COX16: variants seen among roughly 807,000 people sequenced by gnomAD.
COX16 encodes cytochrome c oxidase assembly factor COX16, also known as cytochrome c oxidase assembly protein COX16 homolog, mitochondrial.
A neutral mutation model predicts 15.4 loss-of-function variants in COX16; 12 were observed. That is an observed-to-expected ratio of 0.78 (90% CI 0.50 to 1.26). COX16 has a LOEUF of 1.26. COX16 is among the 50% of genes most tolerant of loss of function. The pLI, the probability that COX16 is intolerant of heterozygous loss-of-function variation, is 0.00. For missense variants in COX16, 124 were observed against 127.6 expected, an observed-to-expected ratio of 0.97 and a Z score of 0.14; for synonymous variants, 46 against 41.1, an observed-to-expected ratio of 1.12 and a Z score of -0.46.
chr14:70,330,572 G>GT (rs1490831976), intron 2 of COX16, among the ~76,000 whole-genome samples: 10 of 152,144 alleles, frequency 6.6e-5, no homozygotes, highest in African/African-American at 2.2e-4. Context: ...AGAATTCTTA[G>GT]TGTAAAAAGA....
intron 1 of COX16, among the ~76,000 whole-genome samples, chr14:70,353,154 G>A (rs948987276): frequency 2.0e-5 from 3 of 151,262 alleles, no homozygotes; most frequent in Non-Finnish European, 4.4e-5. Flanking sequence ...CCAGCTGTTC[G>A]GGAGGCTGAG....
At chr14:70,349,550 A>G (rs535765476) in intron 1 of COX16, among the ~76,000 whole-genome samples, 1 of 152,110 alleles carries the variant, frequency 6.6e-6, no homozygotes, top group Admixed American at 6.5e-5. Context: ...TTCTCCACAC[A>G]CCCTACAGGC....
chr14:70,335,798 AG>A (rs1406832858), intron 2 of COX16, among the ~76,000 whole-genome samples: 1 of 152,184 alleles, frequency 6.6e-6, no homozygotes, highest in Non-Finnish European at 1.5e-5. Context: ...TCCCTGACTT[AG>A]ATTTGAAGCA....
chr14:70,352,778 T>C (rs948747049), intron 1 of COX16, among the ~76,000 whole-genome samples: 1 of 151,280 alleles, frequency 6.6e-6, no homozygotes, highest in East Asian at 1.9e-4. Flanking sequence ...CCCAACTACA[T>C]TTGTTTTTGT....
chr14:70,355,085 T>C (rs1289057778), intron 1 of COX16, among the ~76,000 whole-genome samples: 4 of 152,156 alleles, frequency 2.6e-5, no homozygotes, highest in Non-Finnish European at 5.9e-5. Flanking sequence ...TGGACACCAC[T>C]TTCCCACCAG....
chr14:70,359,576 G>C lies in COX16; in HGVS notation c.12C>G (p.Pro4=), dbSNP rs763418434. The change falls in exon 1 of 4, where the codon CCC becomes CCG. Residue 4 remains proline, a synonymous_variant. Transcript: ENST00000389912. MFA[P]AVMRAFRKNK... is the part of the protein sequence containing the mutation. ...TCTTGCGAAAAGCACGCATCACCGC[G>C]GGTGCAAACATGAGTGAACTCTTCC... 1.9e-6 allele frequency: 3 copies of C among 1,613,886 alleles called. No homozygotes were observed. The highest frequency in any genetic ancestry group is 2.5e-6 in the Non-Finnish European group (3 of 1,179,946).
At chr14:70,328,072 A>ATTTTTTTTTTATT (rs1886143823) in intron 3 of COX16, 1 of 80,840 alleles carries the variant, frequency 1.2e-5, no homozygotes, top group Non-Finnish European at 2.2e-5. Context: ...TGAGAATAAG[A>ATTTTTTTTTTATT]TTTTTTTTTT....
chr14:70,352,063 T>A (rs563872414), intron 1 of COX16, among the ~76,000 whole-genome samples: 2,997 of 152,324 alleles, frequency 0.02, 66 homozygotes, highest in African/African-American at 0.05. Flanking sequence ...GTGGTAAATT[T>A]CATGTGATTT....
At chr14:70,329,116 G>C in intron 3 of COX16, 58 bp downstream of exon 3, 1 of 1,504,542 alleles carries the variant, frequency 6.6e-7, no homozygotes, top group Non-Finnish European at 8.9e-7. Flanking sequence ...ATACTTTTAA[G>C]GCAGATAAAA....
chr14:70,356,551 AAC>A (rs1482105917), intron 1 of COX16, among the ~76,000 whole-genome samples: 1 of 152,210 alleles, frequency 6.6e-6, no homozygotes, highest in Non-Finnish European at 1.5e-5. Flanking sequence ...GAGAGATGCT[AAC>A]ACAGAGATAA....
chr14:70,340,433 C>T (rs1028368594), intron 2 of COX16, among the ~76,000 whole-genome samples: 22 of 152,186 alleles, frequency 1.4e-4, no homozygotes, highest in African/African-American at 5.1e-4. Context: ...TTGGCACCAC[C>T]ATTTACCTAG....
intron 1 of COX16, among the ~76,000 whole-genome samples, chr14:70,354,320 C>T (rs533846031): frequency 1.3e-5 from 2 of 152,282 alleles, no homozygotes; most frequent in East Asian, 3.9e-4. Flanking sequence ...ACTTTTGTTT[C>T]AGTTTCAATG....
intron 1 of COX16, 180 bp downstream of exon 1, chr14:70,359,339 G>A (rs759948907): frequency 1.5e-6 from 1 of 673,256 alleles, no homozygotes; most frequent in South Asian, 1.5e-5. Context: ...CGGCGGGGAA[G>A]TGGGGGTGTG....
At chr14:70,330,475 A>G (rs1886247732) in intron 2 of COX16, among the ~76,000 whole-genome samples, 1 of 152,240 alleles carries the variant, frequency 6.6e-6, no homozygotes, top group South Asian at 2.1e-4. Flanking sequence ...AACACTCTGT[A>G]TGAATTATGT....
At chr14:70,358,912 G>A (rs1207178165) in intron 1 of COX16, among the ~76,000 whole-genome samples, 2 of 152,186 alleles carry the variant, frequency 1.3e-5, no homozygotes, top group Non-Finnish European at 2.9e-5. Context: ...TGTTTTCAAC[G>A]TGCTTTAGAA....
chr14:70,338,571 T>C (rs963706854), intron 2 of COX16, among the ~76,000 whole-genome samples: 1 of 152,218 alleles, frequency 6.6e-6, no homozygotes, highest in Non-Finnish European at 1.5e-5. Context: ...ACAAACCTGG[T>C]ACCAGTCCCC....
intron 2 of COX16, 128 bp downstream of exon 2, chr14:70,342,530 C>A: frequency 1.2e-6 from 1 of 809,900 alleles, no homozygotes; most frequent in Non-Finnish European, 1.8e-6. Context: ...AAGAAAAAAA[C>A]AAAGATCACA....
intron 1 of COX16, among the ~76,000 whole-genome samples, chr14:70,351,367 ATTAAT>A (rs1294920130): frequency 6.6e-6 from 1 of 152,260 alleles, no homozygotes; most frequent in African/African-American, 2.4e-5. Context: ...TATATAAAGC[ATTAAT>A]TTAGAGATAA....
intron 1 of COX16, among the ~76,000 whole-genome samples, chr14:70,344,334 T>C (rs1168768870): frequency 6.6e-6 from 1 of 152,252 alleles, no homozygotes; most frequent in African/African-American, 2.4e-5. Context: ...AGGGCTATTA[T>C]CAATTTTGTT....
Sources: allele counts gnomAD v4.1 joint callset (sites outside exome capture counted in the v4.1 genomes callset), GRCh38; gene constraint gnomAD v4.1.1; transcripts MANE v1.5; gene names NCBI Gene and HGNC (gene_info 2026-07-23, HGNC 2026-07-21).